POLE: variants seen among roughly 807,000 people sequenced by gnomAD.
POLE encodes DNA polymerase epsilon catalytic subunit A.
Under a neutral mutation model 279.2 loss-of-function variants are expected in POLE, and 188 were observed. The ratio of observed to expected loss-of-function variants is 0.67; its 90% CI spans 0.60 to 0.76. POLE has a LOEUF of 0.76. Among genes scored for constraint, POLE ranks in the 30% least tolerant of loss-of-function variants. The pLI is 0.00. For synonymous variants in POLE, 1,214 were observed against 1,172.5 expected (o/e 1.04, Z -0.72); for missense variants, 2,703 against 3,016.7 (o/e 0.90, Z 2.44).
intron 40 of POLE, 26 bp from the exon 41 acceptor site, chr12:132,638,165 G>C (rs373940675): frequency 3.1e-6 from 5 of 1,611,526 alleles, no homozygotes; most frequent in Admixed American, 1.7e-5. Context: ...AGAGTCCGTG[G>C]TGGAGACGCC....
Position 132,686,047 on chromosome 12 carries a change from G to C in POLE, c.62+1207C>G, listed in dbSNP as rs901466178. ...TGCGCCACCACGCCCCGCTAATTTT[G>C]TATTTTTTTAGTGGAGACGGGATTT... On this transcript the variant is annotated intron_variant, in intron 1 of 48. Transcript: ENST00000320574. Among the ~76,000 whole-genome samples the C allele has an allele frequency of 2.0e-5, 3 of 152,116 alleles. No homozygotes were observed. In the East Asian group the frequency reaches 5.8e-4, roughly 30 times the overall value.
At position 132,624,510 on chromosome 12, in the gene POLE, G is replaced by A. The variant is rs532330906; in HGVS notation, c.*187C>T. 51 of 606,528 alleles carry A rather than the reference G, an allele frequency of 8.4e-5. No homozygotes were observed. The Admixed American group carries it at 8.9e-4, about 11-fold the overall frequency. The allele number at this position is 606,528 out of a possible 1,614,324, so 37.6% of individuals were successfully genotyped here. On this transcript the variant is annotated 3_prime_UTR_variant, in exon 49 of 49. Transcript: ENST00000320574. ...GAGGCCAGGGCCACATCCTGCTCCC[G>A]CTCCCTCCTGTGACGTCTGAGCTCC...
chr12:132,632,543 G>A (rs752860964), intron 44 of POLE, 35 bp from the exon 45 acceptor site: 25 of 1,609,074 alleles, frequency 1.6e-5, no homozygotes, highest in Non-Finnish European at 2.0e-5. Flanking sequence ...AGGGGTCTGG[G>A]ACCTGTCTGG....
At position 132,677,705 on chromosome 12, in the gene POLE, C is replaced by T. The variant is rs2136021504; in HGVS notation, c.593G>A (p.Gly198Asp). Residue 198 changes from glycine to aspartate, a missense_variant, in exon 7 of 49, where the codon GGC becomes GAC. Gly to Asp is a moderately conservative substitution (Grantham distance 94). This residue lies in a region of POLE where 1,011 missense variants were observed against 1,111.7 expected (regional missense o/e 0.91). Coordinates refer to ENST00000320574, the MANE Select transcript of POLE (RefSeq NM_006231.4). The part of the protein sequence containing the change: ...TALLSSVLQR[G>D]GVITDEEETS... The stretch of plus-strand genomic sequence containing the variant: ...TTCCTCTTCATCAGTAATGACACCG[C>T]CCCTCTGCAGAACACTAGGAATTAA... 1 of 1,614,096 alleles carries T rather than the reference C, an allele frequency of 6.2e-7. No individual in the cohort carries two copies. The highest frequency in any genetic ancestry group is 8.5e-7 in the Non-Finnish European group (1 of 1,179,986).
rs2138553774 is a variant in POLE, at chr12:132,643,558, A to G, written c.4293T>C (p.Val1431=). 1 of 1,614,070 alleles carries G rather than the reference A, an allele frequency of 6.2e-7. No homozygotes were observed. Among genetic ancestry groups the G allele is most frequent in the South Asian group, 1.1e-5 (1 of 91,086 alleles). The change falls in exon 34 of 49, where the codon GTT becomes GTC. Residue 1431 remains valine (V), a splice_region_variant and synonymous_variant. Coordinates refer to ENST00000320574, the MANE Select transcript of POLE (RefSeq NM_006231.4). The stretch of plus-strand genomic sequence containing the variant: ...GCACCAGGGCCCGGAACAGTAACGG[A>G]ACCTGGAAGAATCGGGCAGACAGGC... ...PDIEGVYETQ[V]PLLFRALVHL... is the part of the protein sequence containing the mutation.
chr12:132,628,701 TG>T (rs1243686460), intron 45 of POLE, among the ~76,000 whole-genome samples: 1 of 152,096 alleles, frequency 6.6e-6, no homozygotes, highest in African/African-American at 2.4e-5. Context: ...ACTACTTTAC[TG>T]CTCATCCATG....
At chr12:132,674,101 C>T (rs2042990665) in intron 12 of POLE, among the ~76,000 whole-genome samples, 1 of 152,172 alleles carries the variant, frequency 6.6e-6, no homozygotes, top group Non-Finnish European at 1.5e-5. Context: ...AGCACGGAAA[C>T]ACTCAAGCCC....
intron 1 of POLE, among the ~76,000 whole-genome samples, chr12:132,683,752 C>T (rs2043214993): frequency 6.6e-6 from 1 of 152,226 alleles, no homozygotes; most frequent in African/African-American, 2.4e-5. Flanking sequence ...ATATCCTTGC[C>T]TCAAGTAAGT....
At chr12:132,672,439 T>C in intron 15 of POLE, 117 bp from the exon 16 acceptor site, 1 of 1,054,654 alleles carries the variant, frequency 9.5e-7, no homozygotes, top group South Asian at 1.3e-5. Flanking sequence ...CCGGAAGGAC[T>C]CATGTGCACA....
rs1593791799 is a variant in POLE, at chr12:132,668,407, G to A, written c.2122C>T (p.His708Tyr). The A allele has an allele frequency of 1.2e-6, 2 of 1,612,004 alleles. No homozygotes were observed. The part of the protein sequence containing the change: ...LFPEGPARAF[H>Y]ELSREEQAKY... Reference sequence around the variant, plus strand: ...GCCTGTTCCTCGCGGGACAGTTCATGAAAGGCCCGAGCTGGCCCCTCTGGG... The same window carrying A: ...GCCTGTTCCTCGCGGGACAGTTCATAAAAGGCCCGAGCTGGCCCCTCTGGG... The change falls in exon 19 of 49, where the codon CAT becomes TAT. Residue 708 changes from histidine (H) to tyrosine (Y), a missense_variant. Transcript: ENST00000320574. This position sits in a 1 kb window ranked among gnomAD's most constrained non-coding sequence, Gnocchi z 4.0.
chr12:132,641,103 C>T (rs1030110056), intron 39 of POLE: 3 of 455,980 alleles, frequency 6.6e-6, no homozygotes, highest in Non-Finnish European at 1.3e-5. Flanking sequence ...AACCGCTCCC[C>T]GTCCCTGGGC....
At chr12:132,673,440 T>C in intron 13 of POLE, 135 bp downstream of exon 13, 4 of 1,322,412 alleles carry the variant, frequency 3.0e-6, no homozygotes, top group Non-Finnish European at 4.3e-6. Context: ...GCCTGCTGGG[T>C]GGAGCGGGCT....
At position 132,659,491 on chromosome 12, in the gene POLE, A is replaced by G. The variant is rs754005428; in HGVS notation, c.3079T>C (p.Ser1027Pro). The G allele has an allele frequency of 1.2e-6, 2 of 1,614,128 alleles. No individual in the cohort carries two copies. Among genetic ancestry groups the G allele is most frequent in the South Asian group, 1.1e-5 (1 of 91,084 alleles). ...TCAGAGATGAGCTCGAATAGCTCAG[A>G]GTCAGGCATGTTGGCTGCCTAGAGA... ...LYSKAANMPD[S>P]ELFELISENR... is the part of the protein sequence containing the mutation. The change falls in exon 26 of 49, where the codon TCT becomes CCT. Residue 1027 changes from serine (S) to proline (P), a missense_variant. Ser to Pro is a moderately conservative substitution (Grantham distance 74). Coordinates refer to ENST00000320574, the MANE Select transcript of POLE (RefSeq NM_006231.4).
At position 132,655,851 on chromosome 12, in the gene POLE, A is replaced by G. The variant is rs1037390490; in HGVS notation, c.3582+1285T>C. 1.1e-4 allele frequency among the ~76,000 whole-genome samples: 17 copies of G among 152,088 alleles called. No homozygotes were observed. In the East Asian group the frequency reaches 2.9e-3, roughly 26 times the overall value. ...TGCTTTTCCTGCGTCCTATCTTTTCAATATAACTCTTGAAATTGTTATACT... is the reference window on the plus strand; with the variant it reads ...TGCTTTTCCTGCGTCCTATCTTTTCGATATAACTCTTGAAATTGTTATACT... On this transcript the variant is annotated intron_variant, in intron 29 of 48. Transcript: ENST00000320574.
Position 132,664,414 on chromosome 12 carries a change from C to A in POLE, c.2517G>T (p.Gly839=). 6.2e-7 allele frequency: 1 copy of A among 1,614,060 alleles called. No homozygotes were observed. Among genetic ancestry groups the A allele is most frequent in the Non-Finnish European group, 8.5e-7 (1 of 1,180,022 alleles). ...MEMAGIVCFT[G]ANIITQAREL... is the part of the protein sequence containing the mutation. ...CCCGTGCCTGGGTGATGATGTTGGC[C>A]CCTGTGAAGCAGACGATGCCAGCCA... Residue 839 remains glycine, a synonymous_variant, in exon 22 of 49, where the codon GGG becomes GGT. Transcript: ENST00000320574. This position sits in a 1 kb window ranked among gnomAD's most constrained non-coding sequence, Gnocchi z 5.3.
intron 32 of POLE, chr12:132,648,599 C>T (rs901804009): frequency 8.6e-6 from 2 of 232,112 alleles, no homozygotes; most frequent in Non-Finnish European, 1.7e-5. Flanking sequence ...AGTTGGATGG[C>T]GTAACTTTAC....
chr12:132,636,064 G>A (rs769283982), intron 41 of POLE, 40 bp from the exon 42 acceptor site: 9 of 1,590,546 alleles, frequency 5.7e-6, no homozygotes, highest in East Asian at 2.2e-5. Flanking sequence ...CAGTGAAATC[G>A]ACCTTGTTCT....
intron 41 of POLE, among the ~76,000 whole-genome samples, chr12:132,636,721 C>T (rs2042042507): frequency 6.6e-6 from 1 of 152,136 alleles, no homozygotes; most frequent in Admixed American, 6.5e-5. Flanking sequence ...CACCACTGCA[C>T]TCCAGCCTGG....
intron 30 of POLE, 22 bp from the exon 31 acceptor site, chr12:132,649,537 GC>G: frequency 6.2e-7 from 1 of 1,609,010 alleles, no homozygotes; most frequent in South Asian, 1.1e-5. Flanking sequence ...GGTGAGCACA[GC>G]CAGTGTGCAA....
Sources: allele counts gnomAD v4.1 joint callset (sites outside exome capture counted in the v4.1 genomes callset), GRCh38; gene constraint gnomAD v4.1.1; regional missense constraint gnomAD v4.1.1; non-coding constraint Gnocchi (gnomAD v3.1); transcripts MANE v1.5; gene names NCBI Gene and HGNC (gene_info 2026-07-23, HGNC 2026-07-21).